The following BTBD9 variants were observed in gnomAD, a reference collection of about 807,000 sequenced individuals.
The protein encoded by BTBD9 is BTB domain containing 9.
In BTBD9, 49 loss-of-function variants were observed where a neutral mutation model predicts 64.3. That is an observed-to-expected ratio of 0.76 (90% confidence interval 0.61 to 0.97). BTBD9 has a LOEUF of 0.97. BTBD9 is among the 50% of genes least tolerant of loss of function. BTBD9 has a pLI of 0.00. For synonymous variants in BTBD9, 260 were observed against 274.7 expected (o/e 0.95, Z 0.53); for missense variants, 598 against 762.1 (o/e 0.78, Z 2.53).
At chr6:38,330,486 A>C (rs565676496) in intron 7 of BTBD9, among the ~76,000 whole-genome samples, 14 of 152,224 alleles carry the variant, frequency 9.2e-5, no homozygotes, top group African/African-American at 3.4e-4. Flanking sequence ...CAGGAGTTTG[A>C]GGACAGCCTG....
intron 7 of BTBD9, among the ~76,000 whole-genome samples, chr6:38,322,671 G>C (rs952438962): frequency 1.3e-5 from 2 of 152,172 alleles, no homozygotes; most frequent in Admixed American, 1.3e-4. Context: ...CGTTTACAGC[G>C]TCTGTTTTAT....
intron 6 of BTBD9, among the ~76,000 whole-genome samples, chr6:38,567,480 C>T (rs1468969686): frequency 6.6e-6 from 1 of 152,176 alleles, no homozygotes; most frequent in East Asian, 1.9e-4. Flanking sequence ...TGCCAACAGT[C>T]CACTCCAATC....
At chr6:38,340,531 A>T (rs1764057593) in intron 7 of BTBD9, among the ~76,000 whole-genome samples, 1 of 152,180 alleles carries the variant, frequency 6.6e-6, no homozygotes, top group Non-Finnish European at 1.5e-5. Flanking sequence ...TATTCCCACA[A>T]ACTCAAAATG....
intron 9 of BTBD9, chr6:38,193,773 A>C: frequency 1.0e-6 from 1 of 980,804 alleles, no homozygotes; most frequent in South Asian, 4.7e-5. Flanking sequence ...TCTAATTACC[A>C]AGTAATGTTA....
chr6:38,437,787 G>A (rs567476476), intron 6 of BTBD9, among the ~76,000 whole-genome samples: 22 of 152,010 alleles, frequency 1.4e-4, no homozygotes, highest in African/African-American at 5.1e-4. Flanking sequence ...TTTAAGCAGG[G>A]GACAGTGTTC....
At chr6:38,310,217 G>A (rs1424346712) in intron 7 of BTBD9, among the ~76,000 whole-genome samples, 1 of 152,162 alleles carries the variant, frequency 6.6e-6, no homozygotes. Context: ...GGGTGCCTGA[G>A]GGAACAACTT....
intron 6 of BTBD9, among the ~76,000 whole-genome samples, chr6:38,570,938 G>C (rs1486055682): frequency 1.3e-5 from 2 of 152,112 alleles, no homozygotes; most frequent in Non-Finnish European, 2.9e-5. Flanking sequence ...CTTTAGCTTC[G>C]AGTAAAATTG....
intron 6 of BTBD9, among the ~76,000 whole-genome samples, chr6:38,516,493 T>TGAAG (rs1378492582): frequency 1.3e-5 from 2 of 152,184 alleles, no homozygotes; most frequent in Non-Finnish European, 2.9e-5. Context: ...CAATGCAGCT[T>TGAAG]GAAGGGCTAC....
chr6:38,627,413 T>C (rs1294882769), intron 1 of BTBD9, among the ~76,000 whole-genome samples: 2 of 152,210 alleles, frequency 1.3e-5, no homozygotes, highest in African/African-American at 2.4e-5. Flanking sequence ...GTACAATATA[T>C]ATGGGCTTAA....
At chr6:38,465,753 A>G (rs7453394) in intron 6 of BTBD9, among the ~76,000 whole-genome samples, 8,160 of 37,796 alleles carry the variant, frequency 0.22, 660 homozygotes, top group African/African-American at 0.31. Context: ...ATATATATAT[A>G]TATGTATGTA....
chr6:38,210,078 G>T (rs1222779161), intron 9 of BTBD9, among the ~76,000 whole-genome samples: 1 of 152,080 alleles, frequency 6.6e-6, no homozygotes, highest in Non-Finnish European at 1.5e-5. Flanking sequence ...GGGAGACAGG[G>T]GAAGGGGGTG....
Position 38,592,561 on chromosome 6 carries a change from T to A in BTBD9, c.814+15A>T. 6.2e-7 allele frequency: 1 copy of A among 1,612,598 alleles called. No homozygotes were observed. Among genetic ancestry groups the A allele is most frequent in the Non-Finnish European group, 8.5e-7 (1 of 1,178,874 alleles). On this transcript the variant is annotated intron_variant, in intron 4 of 10. Transcript: ENST00000481247. ...CCAAGCTTCTTGGTTGAGTTTAGGATAGACAGGTACTTACTGAGCATGCCT... is the reference window on the plus strand; with the variant it reads ...CCAAGCTTCTTGGTTGAGTTTAGGAAAGACAGGTACTTACTGAGCATGCCT...
chr6:38,254,711 T>C (rs909282365), intron 9 of BTBD9, among the ~76,000 whole-genome samples: 2 of 152,188 alleles, frequency 1.3e-5, no homozygotes, highest in Admixed American at 6.5e-5. Context: ...ACCATAATGA[T>C]ATGCTACTTC....
At chr6:38,316,508 C>T (rs957862568) in intron 7 of BTBD9, among the ~76,000 whole-genome samples, 1 of 151,904 alleles carries the variant, frequency 6.6e-6, no homozygotes, top group Admixed American at 6.6e-5. Context: ...AGTAATATGA[C>T]CCATTATTTT....
chr6:38,366,773 C>G (rs185509306), intron 6 of BTBD9, among the ~76,000 whole-genome samples: 2 of 152,242 alleles, frequency 1.3e-5, no homozygotes, highest in East Asian at 1.9e-4. Context: ...GAAAGGGAAG[C>G]CTTTCAGCTT....
intron 6 of BTBD9, among the ~76,000 whole-genome samples, chr6:38,522,257 G>C (rs577506371): frequency 3.0e-4 from 45 of 152,108 alleles, no homozygotes; most frequent in African/African-American, 1.1e-3. Flanking sequence ...GTACACATAT[G>C]CCATTTTTTG....
chr6:38,462,118 T>C (rs916704466), intron 6 of BTBD9, among the ~76,000 whole-genome samples: 8 of 152,202 alleles, frequency 5.3e-5, no homozygotes, highest in Non-Finnish European at 1.0e-4. Flanking sequence ...TATCTTTTCA[T>C]ATTCTTAAAA....
At chr6:38,208,617 C>T (rs1184764644) in intron 9 of BTBD9, among the ~76,000 whole-genome samples, 1 of 152,196 alleles carries the variant, frequency 6.6e-6, no homozygotes, top group Non-Finnish European at 1.5e-5. Flanking sequence ...TGAAGAGCTT[C>T]CTTGGCCCCA....
chr6:38,542,001 CA>C lies in BTBD9; in HGVS notation c.1154+35598del, dbSNP rs1582603748. On this transcript the variant is annotated intron_variant, in intron 6 of 10. Coordinates refer to ENST00000481247, the MANE Select transcript of BTBD9 (RefSeq NM_001099272.2). ...TACATATTTAACCCATAAATTTATA[CA>C]GAGAATATACAGGGAGGAGAGATCA... Among the ~76,000 whole-genome samples, 3 of 152,094 alleles carry C rather than the reference CA, an allele frequency of 2.0e-5. No individual in the cohort carries two copies. The East Asian group carries it at 5.8e-4, about 29-fold the overall frequency.
Sources: gnomAD v4.1 joint callset for allele counts (sites outside exome capture counted in the v4.1 genomes callset) on GRCh38, gnomAD v4.1.1 for gene constraint, MANE v1.5 for transcripts, NCBI Gene and HGNC (gene_info 2026-07-23, HGNC 2026-07-21) for gene names.